The following DNM3 variants were observed in gnomAD, a reference collection of about 807,000 sequenced individuals.
DNM3 encodes dynamin-3.
In DNM3, 47 loss-of-function variants were observed where a neutral mutation model predicts 101.6. The observed-to-expected ratio is 0.46, with a 90% CI of 0.37 to 0.59. The LOEUF (loss-of-function observed/expected upper bound fraction) is 0.59. DNM3 is among the 20% of genes least tolerant of loss of function. The pLI is 0.00. For missense variants in DNM3, 849 were observed against 1,085.7 expected (o/e 0.78, Z 3.06); for synonymous variants, 385 against 387.9 (o/e 0.99, Z 0.09).
intron 17 of DNM3, among the ~76,000 whole-genome samples, chr1:172,359,887 G>A (rs1312213800): frequency 2.6e-5 from 4 of 151,858 alleles, no homozygotes; most frequent in South Asian, 2.1e-4. Context: ...CCTAACCTGC[G>A]TTCTGCAAGC....
chr1:172,227,468 T>C (rs1259198853), intron 14 of DNM3, among the ~76,000 whole-genome samples: 3 of 151,828 alleles, frequency 2.0e-5, no homozygotes, highest in Non-Finnish European at 4.4e-5. Context: ...AATTGCTGGA[T>C]TGAATGGTAG....
rs541977452 is a variant in DNM3, at chr1:172,195,719, A to G, written c.1660-57854A>G. 3.3e-5 allele frequency among the ~76,000 whole-genome samples: 5 copies of G among 152,054 alleles called. No individual in the cohort carries two copies. The East Asian group carries it at 9.7e-4, about 29-fold the overall frequency. ...TTAATATGCTGATGTGAAGGATTCA[A>G]TTAATTGATTTTCAAATGTTGAACC... On this transcript the variant is annotated intron_variant, in intron 14 of 20. Coordinates refer to ENST00000627582, the MANE Select transcript of DNM3 (RefSeq NM_015569.5).
At chr1:172,041,865 C>A in intron 7 of DNM3, 144 bp from the exon 8 acceptor site, 1 of 707,808 alleles carries the variant, frequency 1.4e-6, no homozygotes, top group Non-Finnish European at 2.3e-6. Flanking sequence ...GTGAGTACTA[C>A]ATAGAGTGCA....
chr1:172,037,179 T>G (rs946672876), intron 6 of DNM3, among the ~76,000 whole-genome samples: 1 of 152,158 alleles, frequency 6.6e-6, no homozygotes, highest in African/African-American at 2.4e-5. Context: ...GGAACACTTT[T>G]ACACTGTTGG....
At chr1:172,153,015 A>G (rs563534522) in intron 14 of DNM3, among the ~76,000 whole-genome samples, 5 of 152,308 alleles carry the variant, frequency 3.3e-5, no homozygotes, top group Admixed American at 6.5e-5. Context: ...TTAATTAGTT[A>G]TATTTACTTT....
At chr1:172,152,161 G>A (rs922856056) in intron 14 of DNM3, among the ~76,000 whole-genome samples, 1 of 152,072 alleles carries the variant, frequency 6.6e-6, no homozygotes, top group African/African-American at 2.4e-5. Flanking sequence ...TGGGATTACA[G>A]GCATAAGCCA....
chr1:172,104,068 G>A (rs1358906324), intron 13 of DNM3, among the ~76,000 whole-genome samples: 1 of 152,132 alleles, frequency 6.6e-6, no homozygotes, highest in African/African-American at 2.4e-5. Context: ...CCTATGAAAT[G>A]TCTGATGTGT....
At chr1:172,390,131 T>C (rs1011141740) in intron 20 of DNM3, among the ~76,000 whole-genome samples, 1 of 152,244 alleles carries the variant, frequency 6.6e-6, no homozygotes, top group Non-Finnish European at 1.5e-5. Context: ...TCCAATTTTT[T>C]TTCTCTAAAT....
chr1:172,052,814 T>G (rs1041295895), intron 10 of DNM3, among the ~76,000 whole-genome samples: 2 of 152,164 alleles, frequency 1.3e-5, no homozygotes. Flanking sequence ...CCTTGACAGA[T>G]CATGTCTGTA....
chr1:172,096,531 C>T (rs188008674), intron 13 of DNM3, among the ~76,000 whole-genome samples: 4 of 152,172 alleles, frequency 2.6e-5, no homozygotes, highest in East Asian at 3.9e-4. Context: ...AATTGGATGT[C>T]GGAGAGAGGG....
intron 15 of DNM3, among the ~76,000 whole-genome samples, chr1:172,260,291 A>G (rs2062588694): frequency 6.6e-6 from 1 of 152,040 alleles, no homozygotes; most frequent in African/African-American, 2.4e-5. Flanking sequence ...TTTGGCTATA[A>G]TATGCCATGA....
At chr1:172,416,983 A>G (rs1389566409), downstream of DNM3, among the ~76,000 whole-genome samples, 1 of 152,196 alleles carries the variant, frequency 6.6e-6, no homozygotes, top group East Asian at 1.9e-4. Context: ...ACTTTGGGGA[A>G]GCTAAGATCA....
chr1:172,370,617 A>G (rs1419448825), intron 17 of DNM3, among the ~76,000 whole-genome samples: 1 of 151,980 alleles, frequency 6.6e-6, no homozygotes, highest in Non-Finnish European at 1.5e-5. Flanking sequence ...TTTCTACACT[A>G]CTAATTTATT....
intron 15 of DNM3, among the ~76,000 whole-genome samples, chr1:172,267,135 A>G (rs1297539462): frequency 6.6e-6 from 1 of 152,232 alleles, no homozygotes; most frequent in African/African-American, 2.4e-5. Flanking sequence ...TAAGTTAAAT[A>G]ATTAAAATGT....
chr1:172,302,227 C>G (rs139427836), intron 15 of DNM3, among the ~76,000 whole-genome samples: 1 of 152,226 alleles, frequency 6.6e-6, no homozygotes, highest in Admixed American at 6.5e-5. Flanking sequence ...TATCCCACGC[C>G]TGGCTCAGCA....
At chr1:172,029,868 C>A (rs565376166) in intron 4 of DNM3, among the ~76,000 whole-genome samples, 19 of 152,130 alleles carry the variant, frequency 1.2e-4, no homozygotes, top group Non-Finnish European at 2.2e-4. Context: ...AGGACCTCTT[C>A]AAGGAGAACT....
At chr1:172,174,164 A>G (rs1309953207) in intron 14 of DNM3, among the ~76,000 whole-genome samples, 3 of 151,708 alleles carry the variant, frequency 2.0e-5, no homozygotes, top group African/African-American at 7.2e-5. Context: ...TGCAAAATGA[A>G]GACTATGCTT....
At chr1:172,154,742 G>T (rs2058272048) in intron 14 of DNM3, among the ~76,000 whole-genome samples, 4 of 152,068 alleles carry the variant, frequency 2.6e-5, no homozygotes, top group Admixed American at 2.6e-4. Flanking sequence ...TGGAATGGAT[G>T]AGTAATTTTG....
At chr1:171,957,703 T>A (rs1380715293) in intron 2 of DNM3, among the ~76,000 whole-genome samples, 1 of 152,196 alleles carries the variant, frequency 6.6e-6, no homozygotes, top group Admixed American at 6.5e-5. Flanking sequence ...GACAAAATGC[T>A]GCCAGTCTCT....
Sources: gnomAD v4.1 joint callset for allele counts (sites outside exome capture counted in the v4.1 genomes callset) on GRCh38, gnomAD v4.1.1 for gene constraint, MANE v1.5 for transcripts, NCBI Gene and HGNC (gene_info 2026-07-23, HGNC 2026-07-21) for gene names.